Variants in ZNF816 observed in about 807,000 individuals in gnomAD.
ZNF816 encodes zinc finger protein 816, also known as zinc finger protein 816A.
In ZNF816, 11 loss-of-function variants were observed where a neutral mutation model predicts 8.3. The observed-to-expected ratio is 1.32, with a 90% CI of 0.83 to 2.19. ZNF816 has a LOEUF of 2.19. Ranked by LOEUF, ZNF816 falls within the 30% of genes most tolerant of loss-of-function variation. The pLI is 0.00. For synonymous variants in ZNF816, 255 were observed against 254.5 expected (o/e 1.00, Z -0.02); for missense variants, 710 against 779.3 (o/e 0.91, Z 1.06).
At chr19:52,951,994 T>C (rs1184502395) in intron 3 of ZNF816, 1 of 402,238 alleles carries the variant, frequency 2.5e-6, no homozygotes, top group African/African-American at 2.1e-5. Flanking sequence ...CAGTGACTAC[T>C]GCTTAGAGAA....
intron 2 of ZNF816, among the ~76,000 whole-genome samples, chr19:52,955,775 C>A (rs2083504750): frequency 1.3e-5 from 2 of 152,192 alleles, no homozygotes; most frequent in South Asian, 4.1e-4. Flanking sequence ...GGGGCCCACA[C>A]CCCATCTCCA....
In ZNF816 at chr19:52,959,861, C is replaced by T. The variant is rs138652725; in HGVS notation, c.-16+2866G>A. 2.6e-5 allele frequency among the ~76,000 whole-genome samples: 4 copies of T among 152,130 alleles called. No homozygotes were observed. In the South Asian group the frequency reaches 6.2e-4, roughly 24 times the overall value. ...GAACTCCAGAGCTGACTCAGAAGCT[C>T]GAAAAGCAACATCCACACCCTACTG... On this transcript the variant is annotated intron_variant, in intron 1 of 3. Coordinates refer to ENST00000444460, the MANE Select transcript of ZNF816 (RefSeq NM_001202457.3).
In ZNF816 at chr19:52,950,188, TCTC is replaced by T. The variant is rs769551212; in HGVS notation, c.1584_1586del (p.Arg529del). Reference sequence around the variant, plus strand: ...TGTATGGTTTTTCCCCAGTATGAATTCTCCTATGTCTTTCAAGGTGTGATCTGC... The same window carrying T: ...TGTATGGTTTTTCCCCAGTATGAATTCTATGTCTTTCAAGGTGTGATCTGC... On this transcript the variant is annotated inframe_deletion, in exon 4 of 4. Transcript: ENST00000444460. 2.5e-6 allele frequency: 4 copies of T among 1,612,784 alleles called. No homozygotes were observed. In the South Asian group the frequency reaches 4.4e-5, roughly 18 times the overall value.
Position 52,950,620 on chromosome 19 carries a change from T to C in ZNF816, c.1155A>G (p.Gln385=), listed in dbSNP as rs76104029. ...CTCCAGTGTGAAGTATATGATGGCA[T>C]TGAAGGGATGATTTCTGACTGAAGG... is the stretch of plus-strand genomic sequence containing the variant. ...GKTFSQKSSL[Q]CHHILHTGEK... Residue 385 remains glutamine (Q), a synonymous_variant, in exon 4 of 4, where the codon CAA becomes CAG. Coordinates refer to ENST00000444460, the MANE Select transcript of ZNF816 (RefSeq NM_001202457.3). 2,913 of 1,614,178 alleles carry C rather than the reference T, an allele frequency of 1.8e-3. 60 individuals carry two copies. The East Asian group carries it at 0.048, about 27-fold the overall frequency.
chr19:52,959,575 C>T (rs566313613), intron 1 of ZNF816, among the ~76,000 whole-genome samples: 1 of 152,128 alleles, frequency 6.6e-6, no homozygotes, highest in Non-Finnish European at 1.5e-5. Flanking sequence ...CCCAGAAAGC[C>T]GAGCTCATTG....
At chr19:52,959,974 G>C (rs1450618771) in intron 1 of ZNF816, 1 of 153,018 alleles carries the variant, frequency 6.5e-6, no homozygotes, top group Non-Finnish European at 1.5e-5. Context: ...TCCAGGCAGA[G>C]GGAAGACAGG....
intron 2 of ZNF816, among the ~76,000 whole-genome samples, chr19:52,954,829 A>AG (rs932769986): frequency 1.3e-5 from 2 of 151,838 alleles, no homozygotes; most frequent in African/African-American, 4.8e-5. Flanking sequence ...AAAAAAAAAA[A>AG]AACCCCATTC....
chr19:52,950,899 C>A lies in ZNF816; in HGVS notation c.876G>T (p.Lys292Asn). 1 of 1,614,152 alleles carries A rather than the reference C, an allele frequency of 6.2e-7. No individual in the cohort carries two copies. Among genetic ancestry groups the A allele is most frequent in the African/African-American group, 1.3e-5 (1 of 75,050 alleles). Residue 292 changes from lysine (K) to asparagine (N), a missense_variant, in exon 4 of 4, where the codon AAG becomes AAT. Coordinates refer to ENST00000444460, the MANE Select transcript of ZNF816 (RefSeq NM_001202457.3). Reference sequence around the variant, plus strand: ...CAAGGGATGACATCTGAGTGAAGGTCTTCCCACACTCATTACACTTGTAAG... The same window carrying A: ...CAAGGGATGACATCTGAGTGAAGGTATTCCCACACTCATTACACTTGTAAG... ...EKTYKCNECG[K>N]TFTQMSSLVC...
Position 52,949,790 on chromosome 19 carries a change from T to C in ZNF816, c.*29A>G, listed in dbSNP as rs2083437598. On this transcript the variant is annotated 3_prime_UTR_variant, in exon 4 of 4. Coordinates refer to ENST00000444460, the MANE Select transcript of ZNF816 (RefSeq NM_001202457.3). ...ATTCTGTAATGATTTGCAATGGTTG[T>C]AGCATTACTGAAGACTTTGTGACAA... 6.2e-7 allele frequency: 1 copy of C among 1,612,962 alleles called. No homozygotes were observed. The highest frequency in any genetic ancestry group is 1.1e-5 in the South Asian group (1 of 91,026).
intron 2 of ZNF816, among the ~76,000 whole-genome samples, chr19:52,953,593 AT>A (rs1378890463): frequency 0.011 from 1,018 of 93,478 alleles, 26 homozygotes; most frequent in African/African-American, 0.078. Flanking sequence ...ATAATACAAT[AT>A]TATATATAAT....
Position 52,950,621 on chromosome 19 carries a change from T to C in ZNF816, c.1154A>G (p.Gln385Arg), listed in dbSNP as rs748382545. Residue 385 changes from glutamine to arginine, a missense_variant, in exon 4 of 4, where the codon CAA becomes CGA. Physicochemically the swap from Gln to Arg is conservative, Grantham distance 43. Coordinates refer to ENST00000444460, the MANE Select transcript of ZNF816 (RefSeq NM_001202457.3). ...GKTFSQKSSLQCHHILHTGEK... is the reference protein window; with the variant it reads ...GKTFSQKSSLRCHHILHTGEK... ...TCCAGTGTGAAGTATATGATGGCAT[T>C]GAAGGGATGATTTCTGACTGAAGGT... The C allele has an allele frequency of 1.2e-6, 2 of 1,614,008 alleles. No homozygotes were observed. The highest frequency in any genetic ancestry group is 1.7e-6 in the Non-Finnish European group (2 of 1,179,988).
Position 52,949,874 on chromosome 19 carries a change from G to A in ZNF816, c.1901C>T (p.Ser634Leu), listed in dbSNP as rs2083438461. Residue 634 changes from serine to leucine, a missense_variant, in exon 4 of 4, where the codon TCA (serine) becomes TTA (leucine). Coordinates refer to ENST00000444460, the MANE Select transcript of ZNF816 (RefSeq NM_001202457.3). ...GATTGCTTGATGGTGAATAAGTGTT[G>A]ACTGTCCAGTAAAGGCTTTGCCACA... is the stretch of plus-strand genomic sequence containing the variant. ...NECGKAFTGQ[S>L]TLIHHQAIHG... 1 of 1,613,762 alleles carries A rather than the reference G, an allele frequency of 6.2e-7. No individual in the cohort carries two copies.
chr19:52,958,737 A>C (rs2083531336), intron 1 of ZNF816, among the ~76,000 whole-genome samples: 1 of 152,192 alleles, frequency 6.6e-6, no homozygotes, highest in Admixed American at 6.5e-5. Context: ...TCAGAAGGAA[A>C]GCAGGCTTTT....
Position 52,949,901 on chromosome 19 carries a change from T to C in ZNF816, c.1874A>G (p.Glu625Gly). The C allele has an allele frequency of 1.2e-6, 2 of 1,613,938 alleles. No homozygotes were observed. The highest frequency in any genetic ancestry group is 1.7e-6 in the Non-Finnish European group (2 of 1,179,844). ...HTAEKPYKCN[E>G]CGKAFTGQST... ...CTGTCCAGTAAAGGCTTTGCCACAC[T>C]CATTACACTTGTAAGGTTTCTCTGC... The change falls in exon 4 of 4, where the codon GAG (glutamate) becomes GGG (glycine). Residue 625 changes from glutamate to glycine, a missense_variant. By Grantham distance (98) the Glu-to-Gly change is moderately conservative. Transcript: ENST00000444460.
rs757769529 is a variant in ZNF816, at chr19:52,951,570, A to T, written c.205T>A (p.Ser69Thr). ...NLEFVDSSLK[S>T]MMEFSSTRHS... ...CTGGTTGATGAGAACTCCATCATGG[A>T]TTTTAAAGAGCTATCTAAAAAATAT... The change falls in exon 4 of 4, where the codon TCC (serine) becomes ACC (threonine). Residue 69 changes from serine to threonine, a missense_variant. By Grantham distance (58) the Ser-to-Thr change is moderately conservative (BLOSUM62 1). Transcript: ENST00000444460. 4 of 1,543,752 alleles carry T rather than the reference A, an allele frequency of 2.6e-6. No homozygotes were observed. Among genetic ancestry groups the T allele is most frequent in the Middle Eastern group, 1.7e-4 (1 of 5,756 alleles).
chr19:52,951,994 T>G (rs1184502395), intron 3 of ZNF816: 1 of 402,238 alleles, frequency 2.5e-6, no homozygotes, highest in Non-Finnish European at 4.4e-6. Context: ...CAGTGACTAC[T>G]GCTTAGAGAA....
Position 52,950,549 on chromosome 19 carries a change from C to T in ZNF816, c.1226G>A (p.Arg409Lys). ...CEECDNVYIR[R>K]SHLERHRKIH... The stretch of plus-strand genomic sequence containing the variant: ...CTTCCTATGTCTTTCAAGGTGTGAT[C>T]TGCGAATGTAAACATTGTCACATTC... The change falls in exon 4 of 4, where the codon AGA becomes AAA. Residue 409 changes from arginine to lysine, a missense_variant. Physicochemically the swap from Arg to Lys is conservative, Grantham distance 26. Transcript: ENST00000444460. 1 of 1,613,596 alleles carries T rather than the reference C, an allele frequency of 6.2e-7. No individual in the cohort carries two copies. The highest frequency in any genetic ancestry group is 8.5e-7 in the Non-Finnish European group (1 of 1,179,716).
rs954211097 is a variant in ZNF816, at chr19:52,957,474, C to T, written c.-15-1370G>A. ...CTCAGCTAAAAGGAAAACAAGGTGGCTCAGAGCAGGAGGCCCCAGAAGGAG... is the reference window on the plus strand; with the variant it reads ...CTCAGCTAAAAGGAAAACAAGGTGGTTCAGAGCAGGAGGCCCCAGAAGGAG... On this transcript the variant is annotated intron_variant, in intron 1 of 3. Coordinates refer to ENST00000444460, the MANE Select transcript of ZNF816 (RefSeq NM_001202457.3). This position sits in a 1 kb window ranked among gnomAD's most constrained non-coding sequence, Gnocchi z 4.6. Among the ~76,000 whole-genome samples the T allele has an allele frequency of 1.3e-5, 2 of 152,140 alleles. No homozygotes were observed. The highest frequency in any genetic ancestry group is 2.9e-5 in the Non-Finnish European group (2 of 68,022).
At position 52,957,230 on chromosome 19, in the gene ZNF816, G is replaced by A. The variant is rs183825267; in HGVS notation, c.-15-1126C>T. ...TTTCTTGGTTCCCTGACTTGGAAGC[G>A]AGGTAATTAACAGAAGGTCGAGGCA... On this transcript the variant is annotated intron_variant, in intron 1 of 3. Coordinates refer to ENST00000444460, the MANE Select transcript of ZNF816 (RefSeq NM_001202457.3). This position sits in a 1 kb window ranked among gnomAD's most constrained non-coding sequence, Gnocchi z 4.6. 2.4e-3 allele frequency among the ~76,000 whole-genome samples: 359 copies of A among 152,232 alleles called. 2 individuals carry two copies. The highest frequency in any genetic ancestry group is 8.4e-3 in the African/African-American group (349 of 41,540).
Sources: gnomAD v4.1 joint callset for allele counts (sites outside exome capture counted in the v4.1 genomes callset) on GRCh38, gnomAD v4.1.1 for gene constraint, Gnocchi (gnomAD v3.1) non-coding constraint, MANE v1.5 for transcripts, NCBI Gene and HGNC (gene_info 2026-07-23, HGNC 2026-07-21) for gene names.